ARHGAP28: variants seen among roughly 807,000 people sequenced by gnomAD.
ARHGAP28 encodes the protein Rho GTPase activating protein 28.
ARHGAP28 carries 56 observed loss-of-function variants against 90.7 expected under a neutral mutation model. That is an observed-to-expected ratio of 0.62 (90% CI 0.50 to 0.77). The LOEUF is 0.77. Ranked by LOEUF, ARHGAP28 falls within the 30% of genes least tolerant of loss-of-function variation. ARHGAP28 has a pLI of 0.00. For synonymous variants in ARHGAP28, 308 were observed against 323.3 expected (o/e 0.95, Z 0.51); for missense variants, 869 against 900.9 (o/e 0.96, Z 0.45).
At chr18:6,731,957 A>C (rs1194796175) in intron 1 of ARHGAP28, among the ~76,000 whole-genome samples, 2 of 152,058 alleles carry the variant, frequency 1.3e-5, no homozygotes, top group East Asian at 1.9e-4. Flanking sequence ...CTATTTGTGG[A>C]GCAATGACCA....
At chr18:6,829,405 A>G (rs1307972784) in intron 2 of ARHGAP28, among the ~76,000 whole-genome samples, 1 of 152,028 alleles carries the variant, frequency 6.6e-6, no homozygotes, top group East Asian at 1.9e-4. Flanking sequence ...CTTTATATTT[A>G]CTCATTTGCT....
chr18:6,734,930 G>A (rs2055913165), intron 1 of ARHGAP28, among the ~76,000 whole-genome samples: 1 of 152,290 alleles, frequency 6.6e-6, no homozygotes, highest in African/African-American at 2.4e-5. Context: ...CCTGCTGAGC[G>A]TAGATTCCTC....
chr18:6,837,572 A>G (rs542163961), intron 3 of ARHGAP28, among the ~76,000 whole-genome samples, 158 bp downstream of exon 3: 1 of 152,316 alleles, frequency 6.6e-6, no homozygotes, highest in East Asian at 1.9e-4. Flanking sequence ...GCAAATTTTT[A>G]CAAGTTTGAA....
rs1397449702 is a variant in ARHGAP28, at chr18:6,912,384, G to A, written c.*230G>A. 2 of 308,290 alleles carry A rather than the reference G, an allele frequency of 6.5e-6. No individual in the cohort carries two copies. The highest frequency in any genetic ancestry group is 1.2e-5 in the Non-Finnish European group (2 of 166,112). 19.1% of individuals were successfully genotyped at this position (308,290 alleles called of 1,614,324 possible). A position where few individuals can be genotyped will look rare whatever the true frequency, so the allele number is the denominator to read the frequency against. ...TTTATAAAAGTAAAGGAAAGATGAT[G>A]TGGTCCTTCCAGAAGAAAGACCAAT... is the stretch of plus-strand genomic sequence containing the variant. On this transcript the variant is annotated 3_prime_UTR_variant, in exon 18 of 18. Transcript: ENST00000383472.
intron 11 of ARHGAP28, among the ~76,000 whole-genome samples, chr18:6,884,067 A>G (rs943999199): frequency 1.3e-5 from 2 of 152,068 alleles, no homozygotes; most frequent in African/African-American, 4.8e-5. Context: ...CACAGGTACA[A>G]TAGCTGCTTC....
intron 14 of ARHGAP28, among the ~76,000 whole-genome samples, chr18:6,891,392 G>A (rs1328412599): frequency 6.6e-6 from 1 of 151,974 alleles, no homozygotes; most frequent in Non-Finnish European, 1.5e-5. Flanking sequence ...AGCCTCCCAA[G>A]TAGCTGGGAC....
chr18:6,749,382 C>T (rs1432506459), intron 1 of ARHGAP28, among the ~76,000 whole-genome samples: 1 of 152,150 alleles, frequency 6.6e-6, no homozygotes, highest in Non-Finnish European at 1.5e-5. Flanking sequence ...TTCCTTTACC[C>T]AGGGTTTTAT....
chr18:6,888,667 A>G (rs763675358), intron 12 of ARHGAP28, among the ~76,000 whole-genome samples: 1 of 152,180 alleles, frequency 6.6e-6, no homozygotes, highest in East Asian at 1.9e-4. Context: ...TCTGTTATCA[A>G]ATATCTGAGT....
At chr18:6,839,376 C>T (rs2056781902) in intron 3 of ARHGAP28, among the ~76,000 whole-genome samples, 1 of 149,572 alleles carries the variant, frequency 6.7e-6, no homozygotes, top group Non-Finnish European at 1.5e-5. Context: ...TCACTGCAAG[C>T]TCCGCCTCCC....
chr18:6,733,183 A>G (rs1312199087), intron 1 of ARHGAP28, among the ~76,000 whole-genome samples: 2 of 152,206 alleles, frequency 1.3e-5, no homozygotes, highest in Non-Finnish European at 2.9e-5. Flanking sequence ...AAAAGATTCT[A>G]GGTTGCGATA....
chr18:6,750,806 G>A (rs1395419752), intron 1 of ARHGAP28, among the ~76,000 whole-genome samples: 2 of 152,136 alleles, frequency 1.3e-5, no homozygotes, highest in Non-Finnish European at 2.9e-5. Flanking sequence ...ACATGAATTT[G>A]GGGATTAACT....
chr18:6,853,943 A>G (rs1460248763), intron 4 of ARHGAP28, among the ~76,000 whole-genome samples: 1 of 152,236 alleles, frequency 6.6e-6, no homozygotes, highest in Non-Finnish European at 1.5e-5. Context: ...ACATGTTGTC[A>G]GGACACCCTG....
At chr18:6,910,919 A>ATTG (rs1214725839) in intron 17 of ARHGAP28, among the ~76,000 whole-genome samples, 1 of 151,086 alleles carries the variant, frequency 6.6e-6, no homozygotes, top group Non-Finnish European at 1.5e-5. Flanking sequence ...ATCTCGGCTC[A>ATTG]CTGCAAGCTC....
At chr18:6,890,138 A>G (rs1276122076) in intron 13 of ARHGAP28, 53 bp downstream of exon 13, 2 of 1,591,918 alleles carry the variant, frequency 1.3e-6, no homozygotes, top group Non-Finnish European at 1.7e-6. Flanking sequence ...TCCCCAGGAA[A>G]CATAAAGCCT....
intron 16 of ARHGAP28, among the ~76,000 whole-genome samples, chr18:6,901,591 A>G (rs183977311): frequency 6.6e-6 from 1 of 152,054 alleles, no homozygotes; most frequent in African/African-American, 2.4e-5. Context: ...CCTGCCAAGA[A>G]CACATAATTC....
At chr18:6,882,597 G>C (rs1355079545) in intron 11 of ARHGAP28, among the ~76,000 whole-genome samples, 4 of 152,140 alleles carry the variant, frequency 2.6e-5, no homozygotes, top group African/African-American at 9.7e-5. Flanking sequence ...CTGAGCCTCA[G>C]TTACTACATC....
At chr18:6,896,738 T>C in intron 16 of ARHGAP28, 112 bp downstream of exon 16, 2 of 1,229,780 alleles carry the variant, frequency 1.6e-6, no homozygotes, top group Non-Finnish European at 2.2e-6. Context: ...AACCTGTTGC[T>C]TTAGGGAGTT....
chr18:6,729,800 G>C lies in ARHGAP28; in HGVS notation c.-22G>C. ...TCCCGGTCTTTGTTCTGGGGCCGGC[G>C]CCGAGACATGCGCGGCTGACGATGG... On this transcript the variant is annotated 5_prime_UTR_variant, in exon 1 of 18. Transcript: ENST00000383472. 7.2e-7 allele frequency: 1 copy of C among 1,390,412 alleles called. No homozygotes were observed. Among genetic ancestry groups the C allele is most frequent in the Non-Finnish European group, 9.3e-7 (1 of 1,075,216 alleles). 86.1% of individuals were successfully genotyped at this position (1,390,412 alleles called of 1,614,324 possible).
intron 16 of ARHGAP28, among the ~76,000 whole-genome samples, chr18:6,900,188 G>A (rs990306204): frequency 1.3e-5 from 2 of 151,770 alleles, no homozygotes; most frequent in African/African-American, 2.4e-5. Context: ...AACCTCATCA[G>A]GAAGACTACA....
Sources: allele counts gnomAD v4.1 joint callset (sites outside exome capture counted in the v4.1 genomes callset), GRCh38; gene constraint gnomAD v4.1.1; transcripts MANE v1.5; gene names NCBI Gene and HGNC (gene_info 2026-07-23, HGNC 2026-07-21).